The following KIAA0825 variants were observed in gnomAD, a reference collection of about 807,000 sequenced individuals.
KIAA0825 encodes uncharacterized protein KIAA0825.
KIAA0825 carries 119 observed loss-of-function variants against 147.6 expected under a neutral mutation model. The observed-to-expected ratio is 0.81, with a 90% CI of 0.69 to 0.94. The LOEUF (loss-of-function observed/expected upper bound fraction) is 0.94. Ranked by LOEUF, KIAA0825 falls within the 40% of genes least tolerant of loss-of-function variation. KIAA0825 has a pLI of 0.00. For missense variants in KIAA0825, 1,381 were observed against 1,472.7 expected, an observed-to-expected ratio of 0.94 and a Z score of 1.02; for synonymous variants, 470 against 518.1, an observed-to-expected ratio of 0.91 and a Z score of 1.26.
chr5:94,459,668 T>G (rs889066584), intron 12 of KIAA0825, among the ~76,000 whole-genome samples: 2 of 152,094 alleles, frequency 1.3e-5, no homozygotes, highest in African/African-American at 4.8e-5. Flanking sequence ...TACCTTCGGG[T>G]ATATTTCTGA....
intron 4 of KIAA0825, among the ~76,000 whole-genome samples, chr5:94,523,179 T>A (rs77963196): frequency 2.1e-3 from 320 of 151,842 alleles, no homozygotes; most frequent in African/African-American, 6.9e-3. Context: ...CACATCTGTC[T>A]TAGTCAATGT....
chr5:94,443,361 C>T (rs1362751), intron 13 of KIAA0825, among the ~76,000 whole-genome samples: 21,573 of 90,570 alleles, frequency 0.24, 1,683 homozygotes, highest in East Asian at 0.4. Flanking sequence ...TATATATATA[C>T]ACACACACAC....
chr5:94,366,584 C>T (rs2150429698), intron 20 of KIAA0825, among the ~76,000 whole-genome samples: 1 of 152,286 alleles, frequency 6.6e-6, no homozygotes, highest in East Asian at 1.9e-4. Context: ...ATAATAATAA[C>T]TCATATTTAC....
chr5:94,520,111 T>G (rs1767880287), intron 5 of KIAA0825, 137 bp downstream of exon 5: 1 of 1,216,536 alleles, frequency 8.2e-7, no homozygotes. Context: ...GAGAAATGTA[T>G]ACTGCAAAAT....
At chr5:94,456,781 T>C (rs1255816877) in intron 12 of KIAA0825, among the ~76,000 whole-genome samples, 1 of 152,208 alleles carries the variant, frequency 6.6e-6, no homozygotes, top group African/African-American at 2.4e-5. Flanking sequence ...CATTATGAGA[T>C]AACAACAGTT....
At chr5:94,328,182 C>G (rs39810) in intron 20 of KIAA0825, among the ~76,000 whole-genome samples, 1 of 151,938 alleles carries the variant, frequency 6.6e-6, no homozygotes, top group Non-Finnish European at 1.5e-5. Context: ...TATTACTGCA[C>G]TGCATTTAAA....
At chr5:94,224,065 C>G (rs544454291) in intron 20 of KIAA0825, among the ~76,000 whole-genome samples, 2 of 121,482 alleles carry the variant, frequency 1.6e-5, no homozygotes, top group East Asian at 4.6e-4. Flanking sequence ...CTTTTCTTTT[C>G]TCTTTCTTTT....
chr5:94,581,956 T>C (rs575645424), intron 2 of KIAA0825, among the ~76,000 whole-genome samples: 2 of 152,322 alleles, frequency 1.3e-5, no homozygotes, highest in African/African-American at 4.8e-5. Flanking sequence ...TGTTATGCCT[T>C]ATAGTCAATG....
intron 20 of KIAA0825, among the ~76,000 whole-genome samples, chr5:94,252,403 T>C (rs1229134155): frequency 1.3e-5 from 2 of 151,992 alleles, no homozygotes; most frequent in African/African-American, 4.8e-5. Context: ...TCTATACCTA[T>C]TTTTAAAATT....
chr5:94,253,326 C>G (rs536405869), intron 20 of KIAA0825, among the ~76,000 whole-genome samples: 8 of 152,150 alleles, frequency 5.3e-5, no homozygotes, highest in East Asian at 3.9e-4. Context: ...CAATGCCAGA[C>G]TCAAGGCATA....
intron 20 of KIAA0825, among the ~76,000 whole-genome samples, chr5:94,328,037 C>T (rs13156344): frequency 0.1 from 15,915 of 152,068 alleles, 873 homozygotes; most frequent in Non-Finnish European, 0.12. Context: ...CTAAATCTTA[C>T]TTTTATAATC....
At chr5:94,502,233 A>G (rs1299298574) in intron 5 of KIAA0825, among the ~76,000 whole-genome samples, 2 of 152,180 alleles carry the variant, frequency 1.3e-5, no homozygotes, top group African/African-American at 4.8e-5. Flanking sequence ...TAATATGTTT[A>G]TATAACAATG....
intron 14 of KIAA0825, among the ~76,000 whole-genome samples, chr5:94,434,697 T>C (rs1031503633): frequency 1.3e-5 from 2 of 152,122 alleles, no homozygotes; most frequent in Admixed American, 6.5e-5. Flanking sequence ...GATCATCTCA[T>C]GGTGAAAGGG....
intron 20 of KIAA0825, among the ~76,000 whole-genome samples, chr5:94,298,933 C>A (rs182329505): frequency 3.9e-5 from 6 of 152,180 alleles, no homozygotes; most frequent in Middle Eastern, 6.8e-3. Flanking sequence ...TTTATCAGCT[C>A]TTAGGATAGG....
intron 14 of KIAA0825, among the ~76,000 whole-genome samples, chr5:94,424,770 A>C (rs1754628768): frequency 1.3e-5 from 2 of 152,108 alleles, no homozygotes; most frequent in African/African-American, 4.8e-5. Flanking sequence ...AAGAGAAAAG[A>C]TCCAAATGAA....
rs1203336908 is a variant in KIAA0825, at chr5:94,152,671, C to T, written c.*1336G>A. On this transcript the variant is annotated 3_prime_UTR_variant, in exon 21 of 21. Transcript: ENST00000682413. ...TACAAAAAAATTAAAAAAAATTAAC[C>T]AGGTGTGGTGGCATGCACCTGTAGT... Among the ~76,000 whole-genome samples, 1 of 149,100 alleles carries T rather than the reference C, an allele frequency of 6.7e-6. No individual in the cohort carries two copies. The highest frequency in any genetic ancestry group is 2.5e-5 in the African/African-American group (1 of 40,438).
chr5:94,163,965 T>C (rs1172421600), intron 20 of KIAA0825, among the ~76,000 whole-genome samples: 1 of 152,218 alleles, frequency 6.6e-6, no homozygotes, highest in African/African-American at 2.4e-5. Context: ...CTTGTTATAT[T>C]GAACTTTAGC....
chr5:94,414,754 G>C (rs1019346766), intron 15 of KIAA0825: 7 of 152,238 alleles, frequency 4.6e-5, no homozygotes, highest in African/African-American at 1.4e-4. Context: ...GACCTGTTAG[G>C]AACTGGGCCG....
intron 20 of KIAA0825, among the ~76,000 whole-genome samples, chr5:94,193,991 G>T (rs1229949685): frequency 6.6e-6 from 1 of 152,174 alleles, no homozygotes; most frequent in Non-Finnish European, 1.5e-5. Context: ...GTGGAGGCAG[G>T]AGATAGGGAA....
Sources: allele counts gnomAD v4.1 joint callset (sites outside exome capture counted in the v4.1 genomes callset), GRCh38; gene constraint gnomAD v4.1.1; transcripts MANE v1.5; gene names NCBI Gene and HGNC (gene_info 2026-07-23, HGNC 2026-07-21).